The following SIL1 variants were observed in gnomAD, a reference collection of about 807,000 sequenced individuals.
SIL1 encodes the protein nucleotide exchange factor SIL1.
Under a neutral mutation model 49.1 loss-of-function variants are expected in SIL1, and 40 were observed. The ratio of observed to expected loss-of-function variants is 0.81; its 90% CI spans 0.63 to 1.06. The LOEUF (loss-of-function observed/expected upper bound fraction) is 1.06, where lower values mean the gene tolerates loss of function less well. Among genes scored for constraint, SIL1 ranks in the 50% least tolerant of loss-of-function variants. The pLI is 0.00. For synonymous variants in SIL1, 253 were observed against 250.8 expected (o/e 1.01, Z -0.08); for missense variants, 500 against 572.6 (o/e 0.87, Z 1.29).
intron 1 of SIL1, chr5:139,137,327 A>G (rs1361549262): frequency 1.4e-6 from 1 of 702,524 alleles, no homozygotes; most frequent in Non-Finnish European, 2.6e-6. Context: ...AGGTTAAGTA[A>G]CGTGCCAGAG....
chr5:138,951,444 C>T (rs1766776422), intron 8 of SIL1, 109 bp from the exon 9 acceptor site: 17 of 1,161,402 alleles, frequency 1.5e-5, no homozygotes, highest in Non-Finnish European at 1.8e-5. Context: ...TTCCTCCCGG[C>T]CCCACCTCAG....
chr5:139,109,508 G>C (rs1770795310), intron 3 of SIL1, among the ~76,000 whole-genome samples: 1 of 151,946 alleles, frequency 6.6e-6, no homozygotes, highest in Non-Finnish European at 1.5e-5. Context: ...AAATAAAACT[G>C]CTTTCAGATC....
intron 7 of SIL1, among the ~76,000 whole-genome samples, chr5:139,000,974 G>A (rs1767971595): frequency 6.6e-6 from 1 of 151,672 alleles, no homozygotes; most frequent in South Asian, 2.1e-4. Flanking sequence ...GATATTAAGA[G>A]GCAATTAAAA....
chr5:138,969,690 C>G (rs1278429134), intron 7 of SIL1, among the ~76,000 whole-genome samples: 1 of 152,156 alleles, frequency 6.6e-6, no homozygotes, highest in Non-Finnish European at 1.5e-5. Flanking sequence ...ATACCATATA[C>G]GATCAGAAAG....
At chr5:139,121,881 A>T (rs1750647684) in intron 2 of SIL1, among the ~76,000 whole-genome samples, 1 of 152,232 alleles carries the variant, frequency 6.6e-6, no homozygotes, top group African/African-American at 2.4e-5. Flanking sequence ...GAGCATTCTC[A>T]GCTCAGGAGA....
intron 1 of SIL1, among the ~76,000 whole-genome samples, chr5:139,150,161 T>G (rs181071214): frequency 1.3e-5 from 2 of 152,350 alleles, no homozygotes; most frequent in East Asian, 3.9e-4. Flanking sequence ...CTACCCATAG[T>G]GGCCTAAACC....
intron 3 of SIL1, among the ~76,000 whole-genome samples, chr5:139,107,477 A>G (rs905120729): frequency 1.3e-5 from 2 of 152,246 alleles, no homozygotes; most frequent in African/African-American, 4.8e-5. Flanking sequence ...AAACTATAGG[A>G]CAATTATCAA....
At chr5:139,119,315 G>A (rs114422336) in intron 3 of SIL1, among the ~76,000 whole-genome samples, 1,532 of 152,266 alleles carry the variant, frequency 0.01, 31 homozygotes, top group African/African-American at 0.035. Flanking sequence ...AGGGGCCAGG[G>A]TCAGAACCAT....
At chr5:139,029,547 G>A (rs761871049) in intron 5 of SIL1, among the ~76,000 whole-genome samples, 3 of 152,030 alleles carry the variant, frequency 2.0e-5, no homozygotes, top group South Asian at 4.1e-4. Flanking sequence ...TATTGCTCAC[G>A]TTGAAGTGCA....
At chr5:139,126,903 G>A (rs1001305157) in intron 2 of SIL1, among the ~76,000 whole-genome samples, 1 of 152,206 alleles carries the variant, frequency 6.6e-6, no homozygotes, top group Non-Finnish European at 1.5e-5. Flanking sequence ...CTGGGGGTTG[G>A]GGAAGGTGGC....
chr5:139,160,312 G>T (rs993006916), intron 1 of SIL1, among the ~76,000 whole-genome samples: 5 of 152,184 alleles, frequency 3.3e-5, no homozygotes, highest in African/African-American at 1.2e-4. Flanking sequence ...AAACAACACA[G>T]GGGCCAGGAA....
intron 3 of SIL1, among the ~76,000 whole-genome samples, chr5:139,058,169 G>A (rs1769498614): frequency 6.6e-6 from 1 of 152,140 alleles, no homozygotes. Context: ...ATACAAAAAA[G>A]CATGTATCAT....
chr5:139,049,666 C>T (rs866074403), intron 4 of SIL1, among the ~76,000 whole-genome samples: 20 of 152,066 alleles, frequency 1.3e-4, no homozygotes, highest in African/African-American at 4.1e-4. Context: ...GTGGCACACA[C>T]CTGTAGCCCC....
At position 138,979,563 on chromosome 5, in the gene SIL1, G is replaced by A. The variant is rs186458332; in HGVS notation, c.768-27679C>T. Among the ~76,000 whole-genome samples the A allele has an allele frequency of 2.5e-3, 377 of 152,196 alleles. 1 individual carries two copies. The highest frequency in any genetic ancestry group is 7.9e-3 in the African/African-American group (326 of 41,518). ...CTGTCACACAGGCTGGAGTGCAGTG[G>A]CGTGATCTCGACTTACTGCAGCCTC... is the stretch of plus-strand genomic sequence containing the variant. On this transcript the variant is annotated intron_variant, in intron 7 of 9. Coordinates refer to ENST00000394817, the MANE Select transcript of SIL1 (RefSeq NM_022464.5).
intron 7 of SIL1, among the ~76,000 whole-genome samples, chr5:139,006,411 C>G (rs1254397193): frequency 1.3e-5 from 1 of 79,096 alleles, no homozygotes; most frequent in East Asian, 3.8e-4. Flanking sequence ...GTTGCCTGTT[C>G]ACTCTGATGG....
At chr5:139,186,226 G>A (rs1442679520) in intron 1 of SIL1, among the ~76,000 whole-genome samples, 2 of 152,132 alleles carry the variant, frequency 1.3e-5, no homozygotes, top group African/African-American at 4.8e-5. Context: ...TATAAGGGAG[G>A]ATAAAGCCCA....
chr5:138,948,088 A>C lies in SIL1; in HGVS notation c.1030-615T>G, dbSNP rs1406763345. Among the ~76,000 whole-genome samples the C allele has an allele frequency of 6.6e-6, 1 of 152,208 alleles. No individual in the cohort carries two copies. Among genetic ancestry groups the C allele is most frequent in the Non-Finnish European group, 1.5e-5 (1 of 68,038 alleles). Reference sequence around the variant, plus strand: ...AGAGATCTCCCGTGCAGCTGTAGGAAGTGTGCCTGTATGGAGAAAGAAGGA... The same window carrying C: ...AGAGATCTCCCGTGCAGCTGTAGGACGTGTGCCTGTATGGAGAAAGAAGGA... On this transcript the variant is annotated intron_variant, in intron 9 of 9. Transcript: ENST00000394817. The surrounding 1 kb of genome is among the most constrained non-coding windows in gnomAD (Gnocchi z 4.8).
Sources: allele counts gnomAD v4.1 joint callset (sites outside exome capture counted in the v4.1 genomes callset), GRCh38; gene constraint gnomAD v4.1.1; non-coding constraint Gnocchi (gnomAD v3.1); transcripts MANE v1.5; gene names NCBI Gene and HGNC (gene_info 2026-07-23, HGNC 2026-07-21).